Variants in CLNK observed in about 807,000 individuals in gnomAD.
CLNK encodes cytokine-dependent hematopoietic cell linker.
Under a neutral mutation model 68.6 loss-of-function variants are expected in CLNK, and 74 were observed. That is an observed-to-expected ratio of 1.08 (90% CI 0.89 to 1.31). CLNK has a LOEUF of 1.31. CLNK is among the 50% of genes most tolerant of loss of function. The probability of loss-of-function intolerance (pLI) is 0.00; values close to 1 mark genes in which losing one functional copy is unlikely to be tolerated. For missense variants in CLNK, 553 were observed against 515.3 expected, an observed-to-expected ratio of 1.07 and a Z score of -0.71; for synonymous variants, 198 against 172.2, an observed-to-expected ratio of 1.15 and a Z score of -1.17.
At chr4:10,569,117 T>C (rs926649184) in intron 5 of CLNK, among the ~76,000 whole-genome samples, 2 of 151,890 alleles carry the variant, frequency 1.3e-5, no homozygotes, top group African/African-American at 2.4e-5. Context: ...GTAAAATGTA[T>C]AGTCAAGAAA....
In CLNK at chr4:10,566,070, T is replaced by C; in HGVS notation, c.231A>G (p.Glu77=). 1 of 1,613,972 alleles carries C rather than the reference T, an allele frequency of 6.2e-7. No individual in the cohort carries two copies. The highest frequency in any genetic ancestry group is 8.5e-7 in the Non-Finnish European group (1 of 1,179,842). ...DDYDDPELRM[E]ETWQSIKILP... ...AAATTTTAATCGACTGCCATGTCTC[T>C]TCCATCCGAAGCTCAGGGTCATCAT... is the stretch of plus-strand genomic sequence containing the variant. Residue 77 remains glutamate, a synonymous_variant, in exon 6 of 19, where the codon GAA becomes GAG. Coordinates refer to ENST00000226951, the MANE Select transcript of CLNK (RefSeq NM_052964.4).
At chr4:10,656,535 G>A (rs1331128601) in intron 2 of CLNK, 2 of 152,098 alleles carry the variant, frequency 1.3e-5, no homozygotes, top group Non-Finnish European at 2.9e-5. Flanking sequence ...AAAACTGCCA[G>A]TATGGAAGGA....
At chr4:10,514,406 T>C (rs1204256000) in intron 15 of CLNK, among the ~76,000 whole-genome samples, 1 of 152,018 alleles carries the variant, frequency 6.6e-6, no homozygotes, top group South Asian at 2.1e-4. Context: ...AACAGAGATA[T>C]AGATCAATGG....
chr4:10,580,874 G>A (rs1016352561), intron 4 of CLNK, among the ~76,000 whole-genome samples: 2 of 152,122 alleles, frequency 1.3e-5, no homozygotes, highest in Admixed American at 6.5e-5. Context: ...GTTCGATGTA[G>A]CCTAAGTGTA....
chr4:10,512,119 C>A (rs1187376271), intron 16 of CLNK, among the ~76,000 whole-genome samples: 1 of 151,924 alleles, frequency 6.6e-6, no homozygotes, highest in Non-Finnish European at 1.5e-5. Context: ...TGGGAGGGAG[C>A]GTAATCTTGT....
Position 10,601,333 on chromosome 4 carries a change from G to A in CLNK, c.12-3284C>T, listed in dbSNP as rs141001218. On this transcript the variant is annotated intron_variant, in intron 2 of 18. Transcript: ENST00000226951. ...TGGGGAGAATGGAGAATGGGGAGGA[G>A]GAGGTGTTCTTTCTACAGTGGATTA... Among the ~76,000 whole-genome samples the A allele has an allele frequency of 5.6e-3, 854 of 152,304 alleles. 13 individuals carry two copies. Among genetic ancestry groups the A allele is most frequent in the African/African-American group, 0.02 (816 of 41,560 alleles).
intron 11 of CLNK, among the ~76,000 whole-genome samples, chr4:10,540,219 G>A (rs1197019930): frequency 6.6e-6 from 1 of 152,160 alleles, no homozygotes; most frequent in Non-Finnish European, 1.5e-5. Flanking sequence ...TTGGACACAG[G>A]TTCTCTCACC....
the CLNK span, among the ~76,000 whole-genome samples, chr4:10,708,348 CT>C: frequency 6.6e-6 from 1 of 152,120 alleles, no homozygotes; most frequent in Admixed American, 6.5e-5. Flanking sequence ...TGCATATTAA[CT>C]TGTTTAATCT....
chr4:10,568,624 G>C (rs1720217381), intron 5 of CLNK, among the ~76,000 whole-genome samples: 1 of 152,226 alleles, frequency 6.6e-6, no homozygotes, highest in Admixed American at 6.5e-5. Flanking sequence ...AGGAGTCCAA[G>C]AGTAGAAGGA....
chr4:10,542,158 T>C (rs760438516), intron 9 of CLNK, 97 bp downstream of exon 9: 5 of 1,215,756 alleles, frequency 4.1e-6, no homozygotes, highest in Admixed American at 2.4e-5. Flanking sequence ...TTATAAGACA[T>C]ATTTTTCTAG....
In CLNK at chr4:10,540,521, G is replaced by A. The variant is rs377111436; in HGVS notation, c.575C>T (p.Thr192Ile). The change falls in exon 11 of 19, where the codon ACC (threonine) becomes ATC (isoleucine). Residue 192 changes from threonine (T) to isoleucine (I), a missense_variant. By Grantham distance (89) the Thr-to-Ile change is moderately conservative. Coordinates refer to ENST00000226951, the MANE Select transcript of CLNK (RefSeq NM_052964.4). ...GGGCATTCTCTGGACTTCTGGAAAG[G>A]TGTGTCTCTGAGATAAAGGTGGCCT... ...SSRPPLSQRHTFPEVQRMPSQ... is the reference protein window; with the variant it reads ...SSRPPLSQRHIFPEVQRMPSQ... 22 of 1,613,356 alleles carry A rather than the reference G, an allele frequency of 1.4e-5. No individual in the cohort carries two copies. The African/African-American group carries it at 2.9e-4, about 22-fold the overall frequency.
intron 1 of CLNK, among the ~76,000 whole-genome samples, chr4:10,681,743 A>G (rs545702420): frequency 1.4e-4 from 21 of 152,312 alleles, no homozygotes; most frequent in Middle Eastern, 3.4e-3. Context: ...GAACCTGGGA[A>G]CATCAGCAGG....
intron 1 of CLNK, among the ~76,000 whole-genome samples, chr4:10,671,080 G>T (rs184754712): frequency 6.6e-6 from 1 of 152,152 alleles, no homozygotes; most frequent in Non-Finnish European, 1.5e-5. Context: ...AAACTCTTCT[G>T]ACATTTTAAA....
intron 2 of CLNK, among the ~76,000 whole-genome samples, chr4:10,655,270 A>G (rs1309651979): frequency 6.6e-6 from 1 of 151,210 alleles, no homozygotes; most frequent in Admixed American, 6.6e-5. Context: ...CGTCATAAAG[A>G]TGTCATTTAT....
intron 2 of CLNK, among the ~76,000 whole-genome samples, chr4:10,615,648 G>T (rs1007770620): frequency 2.6e-5 from 4 of 152,232 alleles, no homozygotes; most frequent in African/African-American, 9.7e-5. Context: ...GGGCAGATGA[G>T]GATGCGAGCT....
chr4:10,514,088 T>C (rs1327237490), intron 15 of CLNK, among the ~76,000 whole-genome samples: 7 of 138,078 alleles, frequency 5.1e-5, no homozygotes, highest in African/African-American at 1.6e-4. Context: ...AATTCCCACC[T>C]ATGAGTGAGA....
chr4:10,683,585 C>T (rs1048636305), intron 1 of CLNK, among the ~76,000 whole-genome samples: 1 of 152,208 alleles, frequency 6.6e-6, no homozygotes, highest in Non-Finnish European at 1.5e-5. Context: ...TCAAGTTCTT[C>T]ACCTGTAAAC....
chr4:10,532,112 A>C, intron 12 of CLNK, 144 bp downstream of exon 12: 1 of 726,480 alleles, frequency 1.4e-6, no homozygotes, highest in Admixed American at 2.1e-5. Flanking sequence ...TCTTATCTTT[A>C]AAATAGAGAT....
chr4:10,714,942 T>C, the CLNK span, among the ~76,000 whole-genome samples: 1 of 152,218 alleles, frequency 6.6e-6, no homozygotes, highest in Non-Finnish European at 1.5e-5. Context: ...AATGTATTTA[T>C]GTACCTTAAG....
Sources: allele counts gnomAD v4.1 joint callset (sites outside exome capture counted in the v4.1 genomes callset), GRCh38; gene constraint gnomAD v4.1.1; transcripts MANE v1.5; gene names NCBI Gene and HGNC (gene_info 2026-07-23, HGNC 2026-07-21).